RABGAP1L: variants seen among roughly 807,000 people sequenced by gnomAD.
RABGAP1L encodes the protein RAB GTPase activating protein 1 like.
RABGAP1L carries 63 observed loss-of-function variants against 137.7 expected under a neutral mutation model. The observed-to-expected ratio is 0.46, with a 90% confidence interval of 0.37 to 0.56. The LOEUF (loss-of-function observed/expected upper bound fraction) is 0.56, where lower values mean the gene tolerates loss of function less well. Ranked by LOEUF, RABGAP1L falls within the 20% of genes least tolerant of loss-of-function variation. The pLI, the probability that RABGAP1L is intolerant of heterozygous loss-of-function variation, is 0.00. For missense variants in RABGAP1L, 1,095 were observed against 1,244.0 expected (o/e 0.88, Z 1.80); for synonymous variants, 431 against 433.7 (o/e 0.99, Z 0.08).
At chr1:174,256,127 G>C (rs373430605) in intron 7 of RABGAP1L, among the ~76,000 whole-genome samples, 1 of 152,092 alleles carries the variant, frequency 6.6e-6, no homozygotes, top group African/African-American at 2.4e-5. Context: ...ATTGCATTTA[G>C]TTACCATATG....
chr1:174,242,941 A>T (rs1314970516), intron 5 of RABGAP1L: 1 of 152,160 alleles, frequency 6.6e-6, no homozygotes, highest in Admixed American at 6.6e-5. Flanking sequence ...GTTTCTGTGA[A>T]TGAGGGGGGC....
chr1:174,509,858 C>T (rs775973058), intron 13 of RABGAP1L, among the ~76,000 whole-genome samples: 8 of 152,122 alleles, frequency 5.3e-5, no homozygotes, highest in African/African-American at 1.7e-4. Flanking sequence ...AACAACTTGC[C>T]GCATTTTACA....
intron 13 of RABGAP1L, among the ~76,000 whole-genome samples, chr1:174,502,944 A>G (rs998775049): frequency 6.6e-6 from 1 of 152,192 alleles, no homozygotes; most frequent in Non-Finnish European, 1.5e-5. Context: ...CCTAAATTGG[A>G]GATATAATGA....
At chr1:174,196,638 T>G (rs1201530323) in intron 1 of RABGAP1L, among the ~76,000 whole-genome samples, 1 of 151,938 alleles carries the variant, frequency 6.6e-6, no homozygotes, top group Non-Finnish European at 1.5e-5. Flanking sequence ...GTTTTCATAT[T>G]ATTTTTTCTC....
chr1:174,445,400 A>G (rs1654630351), intron 13 of RABGAP1L, among the ~76,000 whole-genome samples: 2 of 152,002 alleles, frequency 1.3e-5, no homozygotes, highest in Non-Finnish European at 2.9e-5. Flanking sequence ...TTTTTTTCAT[A>G]TTAGGATAAA....
chr1:174,763,110 T>C (rs1685365081), intron 18 of RABGAP1L, among the ~76,000 whole-genome samples: 1 of 151,892 alleles, frequency 6.6e-6, no homozygotes, highest in African/African-American at 2.4e-5. Context: ...CCACCGTGCC[T>C]GGCCTCCTTT....
intron 13 of RABGAP1L, among the ~76,000 whole-genome samples, chr1:174,489,445 C>T (rs1391823205): frequency 1.3e-5 from 2 of 152,068 alleles, no homozygotes; most frequent in East Asian, 1.9e-4. Context: ...TCATCACTGG[C>T]CATCAGAGAA....
At chr1:174,263,109 C>T (rs1034720669) in intron 7 of RABGAP1L, among the ~76,000 whole-genome samples, 1 of 152,216 alleles carries the variant, frequency 6.6e-6, no homozygotes, top group African/African-American at 2.4e-5. Context: ...CTGTGTGCCC[C>T]AGGCCTCGTA....
chr1:174,540,651 A>G (rs1475509680), intron 13 of RABGAP1L, among the ~76,000 whole-genome samples: 4 of 152,026 alleles, frequency 2.6e-5, no homozygotes, highest in African/African-American at 7.2e-5. Flanking sequence ...CCATTGGTCT[A>G]TATCTCTGTT....
At chr1:174,549,203 C>A (rs1194554828) in intron 13 of RABGAP1L, among the ~76,000 whole-genome samples, 1 of 151,950 alleles carries the variant, frequency 6.6e-6, no homozygotes, top group Non-Finnish European at 1.5e-5. Context: ...TATCCTGTAC[C>A]CTATACTTCT....
chr1:174,241,352 AT>A (rs1671808805), intron 4 of RABGAP1L, 130 bp from the exon 5 acceptor site: 1 of 546,822 alleles, frequency 1.8e-6, no homozygotes, highest in Non-Finnish European at 2.9e-6. Context: ...AAAGATAGTT[AT>A]TTTATATATC....
chr1:174,357,954 C>T (rs557558357), intron 11 of RABGAP1L, among the ~76,000 whole-genome samples: 5 of 152,318 alleles, frequency 3.3e-5, no homozygotes, highest in South Asian at 4.1e-4. Flanking sequence ...CAGCCACTCT[C>T]TAAGATAAGT....
At chr1:174,450,358 G>A (rs1655294782) in intron 13 of RABGAP1L, among the ~76,000 whole-genome samples, 1 of 152,100 alleles carries the variant, frequency 6.6e-6, no homozygotes. Context: ...TCACAGCAAA[G>A]AAAATGTAAA....
rs1389103979 is a variant in RABGAP1L at position 174,989,920 on chromosome 1, C to G, written c.3075C>G (p.Thr1025=). ...QAAKNSWFSK[T]LNSIKTATGT... ...CGAAAAACTCTTGGTTTAGCAAAAC[C>G]CTGAACTCTATCAAAACGGCCACGG... is the stretch of plus-strand genomic sequence containing the variant. The change falls in exon 26 of 26, where the codon ACC becomes ACG. Residue 1025 remains threonine (T), a synonymous_variant. Transcript: ENST00000681986. The G allele has an allele frequency of 6.5e-7, 1 of 1,550,206 alleles. No individual in the cohort carries two copies. Among genetic ancestry groups the G allele is most frequent in the East Asian group, 2.4e-5 (1 of 40,924 alleles).
Position 174,322,449 on chromosome 1 carries a change from G to A in RABGAP1L, c.1465+17322G>A, listed in dbSNP as rs148812708. On this transcript the variant is annotated intron_variant, in intron 11 of 25. Coordinates refer to ENST00000681986, the MANE Select transcript of RABGAP1L (RefSeq NM_001366446.1). ...GGGTGGGGCAAGAATCTCCAAAAGC[G>A]CTCACTCATATAGCAGTCAAAATGA... is the stretch of plus-strand genomic sequence containing the variant. 1.2e-3 allele frequency among the ~76,000 whole-genome samples: 185 copies of A among 152,204 alleles called. 2 individuals carry two copies. Among genetic ancestry groups the A allele is most frequent in the African/African-American group, 4.2e-3 (174 of 41,548 alleles).
At chr1:174,263,470 GCTGA>G (rs1214246979) in intron 7 of RABGAP1L, among the ~76,000 whole-genome samples, 6 of 152,054 alleles carry the variant, frequency 3.9e-5, no homozygotes, top group African/African-American at 1.4e-4. Context: ...CTAATCAAAT[GCTGA>G]CTTACAGTAT....
chr1:174,481,927 A>T (rs531511501), intron 13 of RABGAP1L, among the ~76,000 whole-genome samples: 2 of 152,092 alleles, frequency 1.3e-5, no homozygotes, highest in South Asian at 4.1e-4. Context: ...ACCACTGAAT[A>T]TGTTAGGTTA....
At chr1:174,199,023 G>A (rs550457970) in intron 1 of RABGAP1L, among the ~76,000 whole-genome samples, 4 of 152,254 alleles carry the variant, frequency 2.6e-5, no homozygotes, top group East Asian at 1.9e-4. Context: ...CAGTAGAGTC[G>A]CTTGAACCTG....
At chr1:174,696,224 C>T (rs1679247310) in intron 15 of RABGAP1L, among the ~76,000 whole-genome samples, 1 of 152,044 alleles carries the variant, frequency 6.6e-6, no homozygotes, top group Non-Finnish European at 1.5e-5. Flanking sequence ...GGATTCAGGA[C>T]TCTGCTTCAT....
Sources: allele counts gnomAD v4.1 joint callset (sites outside exome capture counted in the v4.1 genomes callset), GRCh38; gene constraint gnomAD v4.1.1; transcripts MANE v1.5; gene names NCBI Gene and HGNC (gene_info 2026-07-23, HGNC 2026-07-21).